The following SPAG17 variants were observed in gnomAD, a reference collection of about 807,000 sequenced individuals.
SPAG17 encodes sperm associated antigen 17.
A neutral mutation model predicts 273.6 loss-of-function variants in SPAG17; 169 were observed. That is an observed-to-expected ratio of 0.62 (90% CI 0.55 to 0.70). The LOEUF is 0.70. SPAG17 is among the 30% of genes least tolerant of loss of function. The pLI is 0.00. For missense variants in SPAG17, 2,557 were observed against 2,627.8 expected (o/e 0.97, Z 0.59); for synonymous variants, 825 against 873.2 (o/e 0.94, Z 0.97).
chr1:117,988,693 T>C (rs916683204), intron 38 of SPAG17, among the ~76,000 whole-genome samples: 1 of 152,214 alleles, frequency 6.6e-6, no homozygotes, highest in Non-Finnish European at 1.5e-5. Context: ...AAGATTTTCA[T>C]GTTTCACGGT....
At position 118,097,581 on chromosome 1, in the gene SPAG17, G is replaced by A. The variant is rs1655789999; in HGVS notation, c.1011+89C>T. 2.8e-6 allele frequency: 3 copies of A among 1,072,836 alleles called. No homozygotes were observed. In the South Asian group the frequency reaches 6.6e-5, roughly 23 times the overall value. The allele number at this position is 1,072,836 out of a possible 1,614,324, so 66.5% of individuals were successfully genotyped here. On this transcript the variant is annotated intron_variant, in intron 7 of 48. Coordinates refer to ENST00000336338, the MANE Select transcript of SPAG17 (RefSeq NM_206996.4). Reference sequence around the variant, plus strand: ...CTCAATGCCTTGTAATCAGCGCTCAGTAACTATCTATGTGATGAATAAATG... The same window carrying A: ...CTCAATGCCTTGTAATCAGCGCTCAATAACTATCTATGTGATGAATAAATG...
Position 117,963,864 on chromosome 1 carries a change from T to C in SPAG17, c.6607A>G (p.Arg2203Gly), listed in dbSNP as rs1653452224. Reference protein sequence around the residue: ...PQGKENPMVQRTSTIYSSTLG... With the variant: ...PQGKENPMVQGTSTIYSSTLG... The stretch of plus-strand genomic sequence containing the variant: ...GTGGAGGAATAAATTGTAGAAGTTC[T>C]CTGGACCATTGGATTTTCTTTTCCC... The change falls in exon 48 of 49, where the codon AGA (arginine) becomes GGA (glycine). Residue 2203 changes from arginine (R) to glycine (G), a missense_variant. Coordinates refer to ENST00000336338, the MANE Select transcript of SPAG17 (RefSeq NM_206996.4). 1 of 1,613,912 alleles carries C rather than the reference T, an allele frequency of 6.2e-7. No homozygotes were observed. Among genetic ancestry groups the C allele is most frequent in the Admixed American group, 1.7e-5 (1 of 60,006 alleles).
chr1:117,962,334 A>G (rs1653209805), intron 48 of SPAG17: 1 of 152,220 alleles, frequency 6.6e-6, no homozygotes, highest in Non-Finnish European at 1.5e-5. Context: ...GCAAATTTCT[A>G]GTCATTAAGT....
At chr1:118,145,379 A>T (rs928083414) in intron 3 of SPAG17, among the ~76,000 whole-genome samples, 1 of 152,216 alleles carries the variant, frequency 6.6e-6, no homozygotes, top group Non-Finnish European at 1.5e-5. Context: ...TAATAAATAC[A>T]TGTTGGAAAA....
chr1:118,171,924 T>C (rs1490588701), intron 1 of SPAG17, among the ~76,000 whole-genome samples: 3 of 152,188 alleles, frequency 2.0e-5, no homozygotes, highest in African/African-American at 7.2e-5. Context: ...GGACCCGATC[T>C]TGAAACTCCT....
At chr1:118,042,836 A>G (rs1192805716) in intron 20 of SPAG17, among the ~76,000 whole-genome samples, 1 of 151,918 alleles carries the variant, frequency 6.6e-6, no homozygotes, top group Admixed American at 6.6e-5. Flanking sequence ...GCCTGGAACT[A>G]CTCCCACACT....
intron 31 of SPAG17, among the ~76,000 whole-genome samples, chr1:118,007,703 G>A (rs569264452): frequency 6.6e-5 from 10 of 152,304 alleles, no homozygotes; most frequent in Non-Finnish European, 1.0e-4. Flanking sequence ...GGCAGGAGGT[G>A]AAGCTGGTCT....
chr1:118,006,508 T>C lies in SPAG17; in HGVS notation c.4588-906A>G, dbSNP rs80205754. 4.9e-3 allele frequency among the ~76,000 whole-genome samples: 745 copies of C among 152,362 alleles called. 6 individuals carry two copies. The highest frequency in any genetic ancestry group is 0.017 in the African/African-American group (706 of 41,594). On this transcript the variant is annotated intron_variant, in intron 31 of 48. Transcript: ENST00000336338. ...TATTCACTTATGAGTTGCCATCATT[T>C]GCATTGTTTTCAGTTTTGCTATTAT... is the stretch of plus-strand genomic sequence containing the variant.
At chr1:117,957,725 A>G (rs1366760076) in intron 48 of SPAG17, among the ~76,000 whole-genome samples, 3 of 152,184 alleles carry the variant, frequency 2.0e-5, no homozygotes, top group Non-Finnish European at 4.4e-5. Context: ...ATCAGCTATC[A>G]TTAGTGTATT....
chr1:118,005,690 C>G, intron 31 of SPAG17, 88 bp from the exon 32 acceptor site: 1 of 923,976 alleles, frequency 1.1e-6, no homozygotes, highest in African/African-American at 1.7e-5. Flanking sequence ...GAAAGAATAC[C>G]CATAGATCCT....
At chr1:118,063,533 T>C (rs960603265) in intron 18 of SPAG17, among the ~76,000 whole-genome samples, 2 of 152,202 alleles carry the variant, frequency 1.3e-5, no homozygotes, top group Non-Finnish European at 2.9e-5. Flanking sequence ...GCTAGCCATA[T>C]GTAGAAAGCT....
chr1:118,098,906 T>G (rs1348386066), intron 6 of SPAG17, among the ~76,000 whole-genome samples: 2 of 152,174 alleles, frequency 1.3e-5, no homozygotes, highest in Non-Finnish European at 2.9e-5. Flanking sequence ...TACAAAACAC[T>G]GTGCAAATGA....
intron 17 of SPAG17, among the ~76,000 whole-genome samples, chr1:118,069,979 C>A (rs1201897610): frequency 1.3e-5 from 2 of 152,186 alleles, no homozygotes; most frequent in African/African-American, 2.4e-5. Flanking sequence ...TTGAAAAGTG[C>A]AGCTTCATGG....
Position 118,151,226 on chromosome 1 carries a change from T to A in SPAG17, c.228+3A>T, listed in dbSNP as rs773347936. ...TGGCTTTGAGGTAGGAAGGGACAGGTACCTGCTGGAGAATGTCTTGCCACG... is the reference window on the plus strand; with the variant it reads ...TGGCTTTGAGGTAGGAAGGGACAGGAACCTGCTGGAGAATGTCTTGCCACG... On this transcript the variant is annotated splice_donor_region_variant and intron_variant, in intron 2 of 48. Transcript: ENST00000336338. The A allele has an allele frequency of 6.4e-7, 1 of 1,565,778 alleles. No individual in the cohort carries two copies. Among genetic ancestry groups the A allele is most frequent in the Non-Finnish European group, 8.7e-7 (1 of 1,151,756 alleles).
At chr1:118,059,461 T>C (rs924395186) in intron 18 of SPAG17, among the ~76,000 whole-genome samples, 1 of 152,126 alleles carries the variant, frequency 6.6e-6, no homozygotes, top group African/African-American at 2.4e-5. Context: ...ATTGAATTGA[T>C]TAACATACAT....
intron 3 of SPAG17, among the ~76,000 whole-genome samples, chr1:118,147,293 G>A (rs1488709717): frequency 6.6e-6 from 1 of 152,182 alleles, no homozygotes; most frequent in African/African-American, 2.4e-5. Flanking sequence ...CGGTAAAACC[G>A]GCTACTATAT....
At chr1:118,088,174 C>A (rs1655132687) in intron 10 of SPAG17, among the ~76,000 whole-genome samples, 1 of 152,150 alleles carries the variant, frequency 6.6e-6, no homozygotes, top group South Asian at 2.1e-4. Flanking sequence ...CCAATTCTAA[C>A]ATCCCATCCT....
rs993015553 is a variant in SPAG17, at chr1:117,987,838, T to C, written c.5665A>G (p.Thr1889Ala). ...TGCGTTTTGGGGTATAATTACCTCGTTTTGTCTATCTTTTCTTTCCAGCGT... is the reference window on the plus strand; with the variant it reads ...TGCGTTTTGGGGTATAATTACCTCGCTTTGTCTATCTTTTCTTTCCAGCGT... ...SKRWKEKIDKTRKEIETTQNY... is the reference protein window; with the variant it reads ...SKRWKEKIDKARKEIETTQNY... Residue 1889 changes from threonine (T) to alanine (A), a missense_variant, in exon 40 of 49, where the codon ACG (threonine) becomes GCG (alanine). Thr to Ala is a moderately conservative substitution (Grantham distance 58, BLOSUM62 0). Coordinates refer to ENST00000336338, the MANE Select transcript of SPAG17 (RefSeq NM_206996.4). The C allele has an allele frequency of 6.2e-7, 1 of 1,613,926 alleles. No individual in the cohort carries two copies. Among genetic ancestry groups the C allele is most frequent in the Non-Finnish European group, 8.5e-7 (1 of 1,179,896 alleles).
chr1:118,147,565 T>G (rs1445640524), intron 3 of SPAG17, among the ~76,000 whole-genome samples: 2 of 152,190 alleles, frequency 1.3e-5, no homozygotes, highest in African/African-American at 4.8e-5. Context: ...AATGAACAAA[T>G]GAGCTGCAGC....
Sources: gnomAD v4.1 joint callset for allele counts (sites outside exome capture counted in the v4.1 genomes callset) on GRCh38, gnomAD v4.1.1 for gene constraint, MANE v1.5 for transcripts, NCBI Gene and HGNC (gene_info 2026-07-23, HGNC 2026-07-21) for gene names.